DENR: variants seen among roughly 807,000 people sequenced by gnomAD.
DENR encodes density-regulated protein.
In DENR, 6 loss-of-function variants were observed where a neutral mutation model predicts 30.6. The observed-to-expected ratio is 0.20, with a 90% CI of 0.11 to 0.39. The LOEUF (loss-of-function observed/expected upper bound fraction) is 0.39, where lower values mean the gene tolerates loss of function less well. DENR is among the 10% of genes least tolerant of loss of function. The pLI, the probability that DENR is intolerant of heterozygous loss-of-function variation, is 1.00. For missense variants in DENR, 141 were observed against 230.9 expected (o/e 0.61, Z 2.52); for synonymous variants, 78 against 72.1 (o/e 1.08, Z -0.41).
chr12:122,765,160 C>G, intron 4 of DENR, 144 bp from the exon 5 acceptor site: 1 of 612,364 alleles, frequency 1.6e-6, no homozygotes, highest in African/African-American at 1.9e-5. Flanking sequence ...AGAAATCTAG[C>G]AGTGTAATCC....
At position 122,770,684 on chromosome 12, in the gene DENR, A is replaced by G. The variant is rs770501905; in HGVS notation, c.*1606A>G. 5.5e-5 allele frequency: 22 copies of G among 398,440 alleles called. No individual in the cohort carries two copies. The highest frequency in any genetic ancestry group is 8.8e-5 in the Non-Finnish European group (20 of 226,048). 24.7% of individuals were successfully genotyped at this position (398,440 alleles called of 1,614,324 possible). A position where few individuals can be genotyped will look rare whatever the true frequency, so the allele number is the denominator to read the frequency against. ...TGTGGTGTTTTAAGTTGCTGTGGAC[A>G]CTTTTAAGAAACTTAGAACCCATGG... is the stretch of plus-strand genomic sequence containing the variant. On this transcript the variant is annotated 3_prime_UTR_variant, in exon 8 of 8. Coordinates refer to ENST00000280557, the MANE Select transcript of DENR (RefSeq NM_003677.5).
intron 1 of DENR, among the ~76,000 whole-genome samples, chr12:122,753,492 G>A (rs1878469170): frequency 6.6e-6 from 1 of 152,110 alleles, no homozygotes; most frequent in Non-Finnish European, 1.5e-5. Context: ...TTTGCTGCTT[G>A]CTTCCCTGTA....
In DENR at chr12:122,770,555, A is replaced by G. The variant is rs1257108438; in HGVS notation, c.*1477A>G. 4 of 398,278 alleles carry G rather than the reference A, an allele frequency of 1.0e-5. No individual in the cohort carries two copies. Among genetic ancestry groups the G allele is most frequent in the Non-Finnish European group, 1.8e-5 (4 of 225,974 alleles). The allele number at this position is 398,278 out of a possible 1,614,324, so 24.7% of individuals were successfully genotyped here. A position where few individuals can be genotyped will look rare whatever the true frequency, so the allele number is the denominator to read the frequency against. On this transcript the variant is annotated 3_prime_UTR_variant, in exon 8 of 8. Coordinates refer to ENST00000280557, the MANE Select transcript of DENR (RefSeq NM_003677.5). ...CCATGCTCAATATATAGTCCTGGAA[A>G]TAGCAATTGAAACATGTCTTCTCAC...
In DENR at chr12:122,769,491, ACTTT is replaced by A. The variant is rs1878971935; in HGVS notation, c.*416_*419del. 5 of 972,654 alleles carry A rather than the reference ACTTT, an allele frequency of 5.1e-6. No homozygotes were observed. The highest frequency in any genetic ancestry group is 5.2e-4 in the Middle Eastern group (1 of 1,924). 60.3% of individuals were successfully genotyped at this position (972,654 alleles called of 1,614,324 possible). ...AAAAAATTTTGGTCATTTGGTACTGACTTTCTCTCTCTCTCTCTCTCTCTTTTTT... is the reference window on the plus strand; with the variant it reads ...AAAAAATTTTGGTCATTTGGTACTGACTCTCTCTCTCTCTCTCTCTTTTTT... On this transcript the variant is annotated 3_prime_UTR_variant, in exon 8 of 8. Coordinates refer to ENST00000280557, the MANE Select transcript of DENR (RefSeq NM_003677.5).
intron 2 of DENR, 86 bp downstream of exon 2, chr12:122,753,893 C>T: frequency 5.4e-6 from 6 of 1,115,696 alleles, no homozygotes; most frequent in Non-Finnish European, 8.0e-6. Context: ...AAGCTTTCTT[C>T]CCCATCCTTT....
At chr12:122,758,145 C>T (rs939136273) in intron 2 of DENR, among the ~76,000 whole-genome samples, 5 of 152,192 alleles carry the variant, frequency 3.3e-5, no homozygotes, top group Admixed American at 3.3e-4. Context: ...GATCTCGGCT[C>T]ACTGCAACCT....
chr12:122,761,087 T>C (rs1269432265), intron 2 of DENR, among the ~76,000 whole-genome samples: 1 of 151,990 alleles, frequency 6.6e-6, no homozygotes, highest in Non-Finnish European at 1.5e-5. Context: ...CACTCCAGCC[T>C]GAGTGACAGA....
chr12:122,763,526 A>G (rs1173685996), intron 4 of DENR, among the ~76,000 whole-genome samples: 1 of 152,044 alleles, frequency 6.6e-6, no homozygotes, highest in Non-Finnish European at 1.5e-5. Context: ...ATCAACATGG[A>G]GAAACCCTGT....
At chr12:122,765,162 G>A (rs1222176488) in intron 4 of DENR, 142 bp from the exon 5 acceptor site, 10 of 630,680 alleles carry the variant, frequency 1.6e-5, no homozygotes, top group East Asian at 1.4e-4. Context: ...AAATCTAGCA[G>A]TGTAATCCAT....
intron 2 of DENR, 58 bp downstream of exon 2, chr12:122,753,865 AAC>A: frequency 7.4e-7 from 1 of 1,347,276 alleles, no homozygotes; most frequent in Non-Finnish European, 1.1e-6. Context: ...GCATTGTAAT[AAC>A]AGTTTGACAT....
At chr12:122,755,272 T>A (rs1478072216) in intron 2 of DENR, among the ~76,000 whole-genome samples, 1 of 152,186 alleles carries the variant, frequency 6.6e-6, no homozygotes, top group African/African-American at 2.4e-5. Flanking sequence ...GTTTTATTTT[T>A]CTGTAATTAT....
At position 122,769,249 on chromosome 12, in the gene DENR, T is replaced by TAC. The variant is rs1446950442; in HGVS notation, c.*172_*173insCA. ...ATACATGTGTGTATGTATACATGTA[T>TAC]ATATATATACATACACATATATGTA... On this transcript the variant is annotated 3_prime_UTR_variant, in exon 8 of 8. Transcript: ENST00000280557. 2.4e-5 allele frequency: 17 copies of TAC among 706,200 alleles called. 2 individuals carry two copies. Among genetic ancestry groups the TAC allele is most frequent in the African/African-American group, 6.5e-5 (1 of 15,460 alleles). The allele number at this position is 706,200 out of a possible 1,614,324, so 43.7% of individuals were successfully genotyped here.
intron 4 of DENR, among the ~76,000 whole-genome samples, chr12:122,764,621 G>A (rs1190646175): frequency 6.6e-6 from 1 of 152,186 alleles, no homozygotes; most frequent in Non-Finnish European, 1.5e-5. Context: ...AGTTGCCATT[G>A]CCAGAGGTGG....
chr12:122,766,659 CTATT>C (rs1007686108), intron 5 of DENR, among the ~76,000 whole-genome samples: 2 of 152,200 alleles, frequency 1.3e-5, no homozygotes, highest in African/African-American at 4.8e-5. Flanking sequence ...AGTGACAACA[CTATT>C]TATTCAGTCA....
At chr12:122,762,234 T>G (rs78591962) in intron 3 of DENR, 28 bp downstream of exon 3, 1 of 1,354,370 alleles carries the variant, frequency 7.4e-7, no homozygotes, top group South Asian at 1.4e-5. Context: ...TTTTTTTACC[T>G]TATGTATTTG....
rs1256925834 is a variant in DENR at position 122,769,213 on chromosome 12, C to T, written c.*135C>T. On this transcript the variant is annotated 3_prime_UTR_variant, in exon 8 of 8. Transcript: ENST00000280557. Reference sequence around the variant, plus strand: ...ACATATATGTATGTATACACATATACACATGTATATATACATGTGTGTATG... The same window carrying T: ...ACATATATGTATGTATACACATATATACATGTATATATACATGTGTGTATG... 5.9e-6 allele frequency: 5 copies of T among 845,056 alleles called. No individual in the cohort carries two copies. Among genetic ancestry groups the T allele is most frequent in the Middle Eastern group, 4.5e-4 (1 of 2,228 alleles). 52.3% of individuals were successfully genotyped at this position (845,056 alleles called of 1,614,324 possible). A position where few individuals can be genotyped will look rare whatever the true frequency, so the allele number is the denominator to read the frequency against.
chr12:122,753,966 A>T, intron 2 of DENR, 159 bp downstream of exon 2: 1 of 658,434 alleles, frequency 1.5e-6, no homozygotes, highest in Non-Finnish European at 2.7e-6. Flanking sequence ...GAATTAACAG[A>T]GTTTCCCCAC....
Position 122,763,370 on chromosome 12 carries a change from G to C in DENR, c.211+441G>C, listed in dbSNP as rs189452284. On this transcript the variant is annotated intron_variant, in intron 4 of 7. Transcript: ENST00000280557. ...GCCGAGATCGTGCCACTGCACTCCA[G>C]CCTGGGTGACAGAGCAAGACTCCGT... The C allele has an allele frequency of 6.2e-3, 969 of 155,354 alleles. 16 individuals are homozygous for C. The highest frequency in any genetic ancestry group is 0.022 in the African/African-American group (902 of 40,646). 9.6% of individuals were successfully genotyped at this position (155,354 alleles called of 1,614,324 possible). A position where few individuals can be genotyped will look rare whatever the true frequency, so the allele number is the denominator to read the frequency against.
At chr12:122,767,744 T>G in intron 6 of DENR, 140 bp downstream of exon 6, 1 of 448,310 alleles carries the variant, frequency 2.2e-6, no homozygotes, top group South Asian at 6.6e-5. Flanking sequence ...AATTTTGCAT[T>G]TCTAACTATA....
Sources: allele counts gnomAD v4.1 joint callset (sites outside exome capture counted in the v4.1 genomes callset), GRCh38; gene constraint gnomAD v4.1.1; transcripts MANE v1.5; gene names NCBI Gene and HGNC (gene_info 2026-07-23, HGNC 2026-07-21).